The following GABRG3 variants were observed in gnomAD, a reference collection of about 807,000 sequenced individuals.
GABRG3 encodes gamma-aminobutyric acid type A receptor subunit gamma3.
A neutral mutation model predicts 48.8 loss-of-function variants in GABRG3; 25 were observed. The observed-to-expected ratio is 0.51, with a 90% CI of 0.37 to 0.72. The LOEUF is 0.72. Among genes scored for constraint, GABRG3 ranks in the 30% least tolerant of loss-of-function variants. The probability of loss-of-function intolerance (pLI) is 0.00; values close to 1 mark genes in which losing one functional copy is unlikely to be tolerated. For missense variants in GABRG3, 394 were observed against 577.9 expected, an observed-to-expected ratio of 0.68 and a Z score of 3.26; for synonymous variants, 227 against 217.6, an observed-to-expected ratio of 1.04 and a Z score of -0.38.
intron 3 of GABRG3, among the ~76,000 whole-genome samples, chr15:27,270,214 G>A (rs1326391293): frequency 1.3e-5 from 2 of 152,204 alleles, no homozygotes; most frequent in Admixed American, 6.5e-5. Flanking sequence ...AATGATGTGT[G>A]TTTGGGCTTA....
intron 3 of GABRG3, among the ~76,000 whole-genome samples, chr15:27,160,764 C>A (rs547445720): frequency 6.6e-6 from 1 of 152,068 alleles, no homozygotes; most frequent in Non-Finnish European, 1.5e-5. Flanking sequence ...CATGATAGAG[C>A]ATTTCCCTAC....
chr15:27,356,654 G>C (rs564963861), intron 5 of GABRG3, among the ~76,000 whole-genome samples: 4 of 152,156 alleles, frequency 2.6e-5, no homozygotes, highest in Admixed American at 6.5e-5. Context: ...GGAAAAACAG[G>C]TGCTCCTCAA....
intron 5 of GABRG3, among the ~76,000 whole-genome samples, chr15:27,357,644 A>T (rs1040891072): frequency 3.3e-5 from 5 of 152,230 alleles, no homozygotes; most frequent in African/African-American, 9.6e-5. Context: ...AATATCTTTA[A>T]TGTCTGGCTC....
intron 3 of GABRG3, among the ~76,000 whole-genome samples, chr15:27,320,252 C>T (rs1893374685): frequency 6.6e-6 from 1 of 152,206 alleles, no homozygotes; most frequent in Non-Finnish European, 1.5e-5. Flanking sequence ...CTGACATCCC[C>T]TGTCACCTGC....
At chr15:27,481,967 A>G (rs1890110812) in intron 6 of GABRG3, among the ~76,000 whole-genome samples, 1 of 152,194 alleles carries the variant, frequency 6.6e-6, no homozygotes, top group African/African-American at 2.4e-5. Flanking sequence ...AGCAGCAGGG[A>G]GGACTGCTCT....
In GABRG3 at chr15:27,194,705, A is replaced by G. The variant is rs181346516; in HGVS notation, c.271-132104A>G. On this transcript the variant is annotated intron_variant, in intron 3 of 9. Coordinates refer to ENST00000615808, the MANE Select transcript of GABRG3 (RefSeq NM_033223.5). Reference sequence around the variant, plus strand: ...TTTAAGATTTTTTACCTTATTTTTCATGATGATATTTCTGAGTATGGATTT... The same window carrying G: ...TTTAAGATTTTTTACCTTATTTTTCGTGATGATATTTCTGAGTATGGATTT... 1.3e-3 allele frequency among the ~76,000 whole-genome samples: 205 copies of G among 152,136 alleles called. 2 individuals are homozygous for G. The highest frequency in any genetic ancestry group is 0.012 in the Admixed American group (181 of 15,288).
chr15:27,256,592 T>A (rs1890629885), intron 3 of GABRG3, among the ~76,000 whole-genome samples: 2 of 152,118 alleles, frequency 1.3e-5, no homozygotes, highest in South Asian at 4.1e-4. Context: ...GGGTGGGAAC[T>A]CCTTTGTCCT....
At position 27,231,009 on chromosome 15, in the gene GABRG3, A is replaced by ATGTGTG. The variant is rs3068361; in HGVS notation, c.271-95765_271-95760dup. 8.8e-3 allele frequency among the ~76,000 whole-genome samples: 1,268 copies of ATGTGTG among 143,486 alleles called. 10 individuals carry two copies. The highest frequency in any genetic ancestry group is 0.025 in the African/African-American group (985 of 39,078). 94.1% of individuals were successfully genotyped at this position (143,486 alleles called of 152,430 possible). ...GTTGAGCCAAGTTTAAAACAGTAAA[A>ATGTGTG]TGTGTGTGTGTGTGTGTGTGTGTGT... On this transcript the variant is annotated intron_variant, in intron 3 of 9. Coordinates refer to ENST00000615808, the MANE Select transcript of GABRG3 (RefSeq NM_033223.5).
At chr15:27,261,402 A>G (rs1890761764) in intron 3 of GABRG3, among the ~76,000 whole-genome samples, 1 of 151,756 alleles carries the variant, frequency 6.6e-6, no homozygotes, top group Non-Finnish European at 1.5e-5. Context: ...GAAAGAATGA[A>G]TCTCTCCCCA....
At chr15:27,482,670 T>G (rs1265561607) in intron 6 of GABRG3, among the ~76,000 whole-genome samples, 1 of 152,312 alleles carries the variant, frequency 6.6e-6, no homozygotes. Context: ...TTTGCAACAC[T>G]GTCTACTTGG....
At chr15:27,411,161 G>A (rs549293242) in intron 5 of GABRG3, among the ~76,000 whole-genome samples, 16 of 152,092 alleles carry the variant, frequency 1.1e-4, no homozygotes, top group East Asian at 5.8e-4. Flanking sequence ...CCCGACTAGC[G>A]TCACCACCTC....
At chr15:27,075,509 C>T (rs1241639710) in intron 3 of GABRG3, among the ~76,000 whole-genome samples, 1 of 152,158 alleles carries the variant, frequency 6.6e-6, no homozygotes, top group African/African-American at 2.4e-5. Context: ...AAGGCAAACC[C>T]TAGAGCTGAA....
Position 27,180,002 on chromosome 15 carries a change from C to G in GABRG3, c.271-146807C>G, listed in dbSNP as rs1448287716. On this transcript the variant is annotated intron_variant, in intron 3 of 9. Transcript: ENST00000615808. This position sits in a 1 kb window ranked among gnomAD's most constrained non-coding sequence, Gnocchi z 4.2. ...TCTCTCTGGCGGTACATTTTGCACA[C>G]TCATGGTTACATGGAAGTGGCTAAA... Among the ~76,000 whole-genome samples, 1 of 152,170 alleles carries G rather than the reference C, an allele frequency of 6.6e-6. No homozygotes were observed. The highest frequency in any genetic ancestry group is 1.5e-5 in the Non-Finnish European group (1 of 68,032).
intron 3 of GABRG3, among the ~76,000 whole-genome samples, chr15:27,154,798 G>A (rs28852075): frequency 0.047 from 7,081 of 151,446 alleles, 253 homozygotes; most frequent in African/African-American, 0.094. Context: ...ACTTTTTTTT[G>A]TCCTTGTCTC....
chr15:27,462,143 C>T (rs1423132272), intron 5 of GABRG3, among the ~76,000 whole-genome samples: 1 of 152,084 alleles, frequency 6.6e-6, no homozygotes, highest in Non-Finnish European at 1.5e-5. Context: ...TCCTCATCTC[C>T]TTCCGGGTCT....
At chr15:27,288,156 G>A (rs189608376) in intron 3 of GABRG3, among the ~76,000 whole-genome samples, 1 of 151,950 alleles carries the variant, frequency 6.6e-6, no homozygotes, top group African/African-American at 2.4e-5. Context: ...CTCAATCTCT[G>A]GAAACTGTGA....
chr15:27,421,838 C>A (rs577046812), intron 5 of GABRG3, among the ~76,000 whole-genome samples: 1 of 150,436 alleles, frequency 6.6e-6, no homozygotes, highest in Non-Finnish European at 1.5e-5. Context: ...TGAGTATCCA[C>A]CAATACTGAG....
At chr15:27,209,859 G>A (rs1889015646) in intron 3 of GABRG3, among the ~76,000 whole-genome samples, 1 of 152,180 alleles carries the variant, frequency 6.6e-6, no homozygotes, top group African/African-American at 2.4e-5. Context: ...TCTCTCCTTG[G>A]CCTGCAGACA....
chr15:27,375,470 C>T (rs571358861), intron 5 of GABRG3, among the ~76,000 whole-genome samples: 2 of 152,158 alleles, frequency 1.3e-5, no homozygotes, highest in Admixed American at 6.5e-5. Context: ...CAGGGACAGC[C>T]GAGGGCATAA....
Sources: allele counts gnomAD v4.1 joint callset (sites outside exome capture counted in the v4.1 genomes callset), GRCh38; gene constraint gnomAD v4.1.1; non-coding constraint Gnocchi (gnomAD v3.1); transcripts MANE v1.5; gene names NCBI Gene and HGNC (gene_info 2026-07-23, HGNC 2026-07-21).